Variants in ALK observed in about 807,000 individuals in gnomAD.
The protein encoded by ALK is ALK receptor tyrosine kinase.
A neutral mutation model predicts 163.1 loss-of-function variants in ALK; 74 were observed. The ratio of observed to expected loss-of-function variants is 0.45; its 90% CI spans 0.38 to 0.55. ALK has a LOEUF of 0.55. Ranked by LOEUF, ALK falls within the 20% of genes least tolerant of loss-of-function variation. The probability of loss-of-function intolerance (pLI) is 0.00; values close to 1 mark genes in which losing one functional copy is unlikely to be tolerated. For synonymous variants in ALK, 960 were observed against 843.2 expected, an observed-to-expected ratio of 1.14 and a Z score of -2.40; for missense variants, 2,063 against 2,105.3, an observed-to-expected ratio of 0.98 and a Z score of 0.39.
At chr2:29,619,083 C>T (rs1022042566) in intron 3 of ALK, among the ~76,000 whole-genome samples, 1 of 151,622 alleles carries the variant, frequency 6.6e-6, no homozygotes, top group Non-Finnish European at 1.5e-5. Flanking sequence ...ACACAAGAAA[C>T]CCATAATTTT....
At chr2:29,458,790 A>T (rs62131809) in intron 4 of ALK, among the ~76,000 whole-genome samples, 41,019 of 152,000 alleles carry the variant, frequency 0.27, 6,221 homozygotes, top group Non-Finnish European at 0.35. Flanking sequence ...GCCATGATTG[A>T]GTGCTTACAC....
At chr2:29,354,769 T>TTC (rs1264888307) in intron 5 of ALK, among the ~76,000 whole-genome samples, 1 of 145,576 alleles carries the variant, frequency 6.9e-6, no homozygotes, top group Non-Finnish European at 1.5e-5. Flanking sequence ...TTCTTTTTCT[T>TTC]TTTTTTTTTT....
rs557754209 is a variant in ALK, at chr2:29,227,869, G to A, written c.2816-197C>T. On this transcript the variant is annotated intron_variant, in intron 16 of 28. Transcript: ENST00000389048. This position sits in a 1 kb window ranked among gnomAD's most constrained non-coding sequence, Gnocchi z 4.4. ...GGATTTGGCTCAGTAGATGCTGGGT[G>A]TGTGGCTAATTTCCCCTCAGGTCCA... Among the ~76,000 whole-genome samples the A allele has an allele frequency of 1.3e-5, 2 of 152,298 alleles. No individual in the cohort carries two copies. Among genetic ancestry groups the A allele is most frequent in the African/African-American group, 4.8e-5 (2 of 41,540 alleles).
chr2:29,513,716 C>T (rs1478581947), intron 4 of ALK, among the ~76,000 whole-genome samples: 19 of 149,778 alleles, frequency 1.3e-4, no homozygotes, highest in African/African-American at 4.2e-4. Context: ...ACAGGCAACC[C>T]ACAAAATGGG....
At chr2:29,840,855 A>T (rs1275889678) in intron 1 of ALK, among the ~76,000 whole-genome samples, 4 of 152,236 alleles carry the variant, frequency 2.6e-5, no homozygotes, top group African/African-American at 9.6e-5. Context: ...TCCCAATTTT[A>T]CAGATTTAAG....
intron 4 of ALK, among the ~76,000 whole-genome samples, chr2:29,516,870 GT>G (rs1325608742): frequency 6.6e-6 from 1 of 152,254 alleles, no homozygotes; most frequent in Non-Finnish European, 1.5e-5. Flanking sequence ...TATGTTAGCA[GT>G]GAGTATGTCT....
chr2:29,557,042 T>C (rs566599926), intron 3 of ALK, among the ~76,000 whole-genome samples: 1 of 152,360 alleles, frequency 6.6e-6, no homozygotes, highest in Admixed American at 6.5e-5. Flanking sequence ...GGTCTGTCTA[T>C]GCATAGAAAC....
At chr2:29,446,762 G>T (rs1670695441) in intron 4 of ALK, among the ~76,000 whole-genome samples, 1 of 152,210 alleles carries the variant, frequency 6.6e-6, no homozygotes, top group Non-Finnish European at 1.5e-5. Context: ...TGTGCAAATA[G>T]TGTCCCTGTG....
intron 3 of ALK, among the ~76,000 whole-genome samples, chr2:29,617,697 C>A (rs1456319936): frequency 6.6e-6 from 1 of 152,202 alleles, no homozygotes; most frequent in Non-Finnish European, 1.5e-5. Context: ...TGAAACCCCA[C>A]TTGTCCTTGC....
intron 3 of ALK, among the ~76,000 whole-genome samples, chr2:29,604,293 T>C (rs1656969223): frequency 6.6e-6 from 1 of 151,928 alleles, no homozygotes; most frequent in South Asian, 2.1e-4. Flanking sequence ...ATGACAGGCA[T>C]GTTCATTCAT....
intron 4 of ALK, among the ~76,000 whole-genome samples, chr2:29,437,614 G>A (rs1441129841): frequency 1.3e-5 from 2 of 152,094 alleles, no homozygotes; most frequent in Non-Finnish European, 2.9e-5. Flanking sequence ...TCTTCTCAAT[G>A]GAGGTTTATT....
rs147957488 is a variant in ALK at position 29,552,265 on chromosome 2, G to A, written c.953-20149C>T. 2.0e-5 allele frequency among the ~76,000 whole-genome samples: 3 copies of A among 152,132 alleles called. No individual in the cohort carries two copies. The East Asian group carries it at 5.8e-4, about 29-fold the overall frequency. On this transcript the variant is annotated intron_variant, in intron 3 of 28. Transcript: ENST00000389048. ...CCATTCATCTGCTGATGGACATTTG[G>A]GTTATTTCTATCTTTTGACTAATGT...
chr2:29,578,369 G>A (rs1674584809), intron 3 of ALK, among the ~76,000 whole-genome samples: 1 of 152,212 alleles, frequency 6.6e-6, no homozygotes, highest in Non-Finnish European at 1.5e-5. Context: ...CATGAGAACA[G>A]ACTAATACTG....
intron 1 of ALK, among the ~76,000 whole-genome samples, chr2:29,732,824 C>A (rs1035369242): frequency 1.3e-5 from 2 of 152,090 alleles, no homozygotes; most frequent in Admixed American, 6.5e-5. Flanking sequence ...TCTGCTGGCA[C>A]CTTGATCTTG....
Position 29,707,682 on chromosome 2 carries a change from G to A in ALK, c.787+9896C>T, listed in dbSNP as rs79146830. Reference sequence around the variant, plus strand: ...GAATTAAATCCCAGCTCAAATACTAGTGTGATTAAAGGCAAAATGCTTTCA... The same window carrying A: ...GAATTAAATCCCAGCTCAAATACTAATGTGATTAAAGGCAAAATGCTTTCA... On this transcript the variant is annotated intron_variant, in intron 2 of 28. Coordinates refer to ENST00000389048, the MANE Select transcript of ALK (RefSeq NM_004304.5). Among the ~76,000 whole-genome samples the A allele has an allele frequency of 5.6e-3, 847 of 152,292 alleles. 4 individuals are homozygous for A. Among genetic ancestry groups the A allele is most frequent in the Middle Eastern group, 0.034 (10 of 294 alleles).
Position 29,196,876 on chromosome 2 carries a change from C to T in ALK, c.4074-16G>A. On this transcript the variant is annotated splice_polypyrimidine_tract_variant and intron_variant, in intron 27 of 28. Transcript: ENST00000389048. ...TATCCGGTATCTAAAAGAAGAAGCACATTAATTAAAATAAGGAGAAGCACA... is the reference window on the plus strand; with the variant it reads ...TATCCGGTATCTAAAAGAAGAAGCATATTAATTAAAATAAGGAGAAGCACA... 1 of 1,588,516 alleles carries T rather than the reference C, an allele frequency of 6.3e-7. No homozygotes were observed. Among genetic ancestry groups the T allele is most frequent in the Non-Finnish European group, 8.6e-7 (1 of 1,156,680 alleles).
intron 3 of ALK, among the ~76,000 whole-genome samples, chr2:29,631,759 G>C (rs114888179): frequency 1.4e-4 from 22 of 152,324 alleles, no homozygotes; most frequent in Non-Finnish European, 2.8e-4. Flanking sequence ...ATAAAGATTA[G>C]GTATCACAAC....
chr2:29,426,047 A>G (rs1040123115), intron 4 of ALK, among the ~76,000 whole-genome samples: 1 of 152,200 alleles, frequency 6.6e-6, no homozygotes, highest in Non-Finnish European at 1.5e-5. Flanking sequence ...TTTACCCCAG[A>G]GCTTTGCCAA....
intron 3 of ALK, among the ~76,000 whole-genome samples, chr2:29,539,765 CTTCTT>C (rs1446097685): frequency 6.6e-6 from 1 of 152,128 alleles, no homozygotes; most frequent in Non-Finnish European, 1.5e-5. Context: ...TTTCTAATGA[CTTCTT>C]TTTGTTTGAA....
Sources: allele counts gnomAD v4.1 joint callset (sites outside exome capture counted in the v4.1 genomes callset), GRCh38; gene constraint gnomAD v4.1.1; non-coding constraint Gnocchi (gnomAD v3.1); transcripts MANE v1.5; gene names NCBI Gene and HGNC (gene_info 2026-07-23, HGNC 2026-07-21).